Variants in HPSE2 observed in about 807,000 individuals in gnomAD.
HPSE2 encodes the protein inactive heparanase-2.
In HPSE2, 38 loss-of-function variants were observed where a neutral mutation model predicts 60.5. That is an observed-to-expected ratio of 0.63 (90% CI 0.48 to 0.82). The LOEUF is 0.82. Among genes scored for constraint, HPSE2 ranks in the 40% least tolerant of loss-of-function variants. The pLI is 0.00. For missense variants in HPSE2, 713 were observed against 740.4 expected (o/e 0.96, Z 0.43); for synonymous variants, 295 against 293.2 (o/e 1.01, Z -0.06).
intron 3 of HPSE2, among the ~76,000 whole-genome samples, chr10:98,764,736 A>G (rs1037845229): frequency 2.0e-5 from 3 of 152,108 alleles, no homozygotes; most frequent in Admixed American, 2.0e-4. Context: ...ACGTGCCTGT[A>G]ATCCTGGCTC....
intron 3 of HPSE2, among the ~76,000 whole-genome samples, chr10:98,863,478 T>C (rs947200412): frequency 6.6e-6 from 1 of 152,178 alleles, no homozygotes; most frequent in African/African-American, 2.4e-5. Flanking sequence ...ACTACCCACA[T>C]GTACATGCAC....
At chr10:99,230,078 T>C (rs2133946790) in intron 2 of HPSE2, among the ~76,000 whole-genome samples, 1 of 152,290 alleles carries the variant, frequency 6.6e-6, no homozygotes, top group South Asian at 2.1e-4. Context: ...AATACTGATA[T>C]AGTTCAGAGC....
chr10:99,309,092 G>T, the HPSE2 span, among the ~76,000 whole-genome samples: 1 of 152,080 alleles, frequency 6.6e-6, no homozygotes, highest in Non-Finnish European at 1.5e-5. Flanking sequence ...ACCACACATT[G>T]TATGACTCCA....
At chr10:99,100,949 G>A (rs1000581761) in intron 3 of HPSE2, among the ~76,000 whole-genome samples, 1 of 151,962 alleles carries the variant, frequency 6.6e-6, no homozygotes, top group African/African-American at 2.4e-5. Context: ...GGCTGATTTT[G>A]TCACCACCAG....
At chr10:98,943,009 C>G (rs1478222671) in intron 3 of HPSE2, among the ~76,000 whole-genome samples, 3 of 145,268 alleles carry the variant, frequency 2.1e-5, no homozygotes, top group African/African-American at 7.7e-5. Context: ...CATGTTCTCA[C>G]TCATAGGTGG....
chr10:98,575,368 C>G (rs771617183), intron 9 of HPSE2, among the ~76,000 whole-genome samples: 1 of 152,134 alleles, frequency 6.6e-6, no homozygotes, highest in South Asian at 2.1e-4. Context: ...AGGTGGAAGA[C>G]AGCCAAGTTG....
At chr10:98,642,064 T>G (rs1946653734) in intron 6 of HPSE2, 124 bp from the exon 7 acceptor site, 2 of 797,834 alleles carry the variant, frequency 2.5e-6, no homozygotes, top group Non-Finnish European at 4.3e-6. Flanking sequence ...GCTCTCATAT[T>G]CTAAAAGGTT....
chr10:99,206,770 TGAAAA>T (rs2133898019), intron 2 of HPSE2, among the ~76,000 whole-genome samples: 1 of 151,640 alleles, frequency 6.6e-6, no homozygotes, highest in Admixed American at 6.6e-5. Flanking sequence ...ATGAATCAAC[TGAAAA>T]ATGCAATAGA....
intron 3 of HPSE2, among the ~76,000 whole-genome samples, chr10:99,014,293 A>T (rs1265607580): frequency 1.3e-5 from 2 of 152,110 alleles, no homozygotes; most frequent in East Asian, 3.9e-4. Context: ...ACATGATCTC[A>T]TTCTTTTTAT....
chr10:99,188,343 G>A (rs1848103734), intron 2 of HPSE2, among the ~76,000 whole-genome samples: 1 of 152,134 alleles, frequency 6.6e-6, no homozygotes, highest in Non-Finnish European at 1.5e-5. Flanking sequence ...TGTTATATCA[G>A]TATGGTAGTA....
chr10:99,036,311 C>A (rs1957608611), intron 3 of HPSE2, among the ~76,000 whole-genome samples: 1 of 151,984 alleles, frequency 6.6e-6, no homozygotes, highest in Non-Finnish European at 1.5e-5. Context: ...CCAAGGAAAT[C>A]AAGATGGGGA....
chr10:98,546,807 A>G (rs1943694289), intron 9 of HPSE2, among the ~76,000 whole-genome samples: 2 of 151,148 alleles, frequency 1.3e-5, no homozygotes, highest in Admixed American at 6.6e-5. Context: ...GACAAATGGG[A>G]TCTAATTAAA....
chr10:98,727,221 T>C (rs1228865925), intron 4 of HPSE2, among the ~76,000 whole-genome samples: 1 of 152,070 alleles, frequency 6.6e-6, no homozygotes, highest in Admixed American at 6.6e-5. Flanking sequence ...AAATATGTAG[T>C]TTTCAACAAA....
At chr10:99,117,096 C>T (rs1196958451) in intron 3 of HPSE2, among the ~76,000 whole-genome samples, 1 of 151,758 alleles carries the variant, frequency 6.6e-6, no homozygotes, top group Non-Finnish European at 1.5e-5. Context: ...CCTTTTTTTG[C>T]AATATACATG....
chr10:99,235,863 A>T (rs1230267557), upstream of HPSE2: 3 of 1,454,862 alleles, frequency 2.1e-6, no homozygotes, highest in African/African-American at 2.8e-5. Context: ...AATTGTCCTT[A>T]TCTAAAGTGT....
chr10:98,799,886 G>C (rs181901471), intron 3 of HPSE2, among the ~76,000 whole-genome samples: 4 of 151,972 alleles, frequency 2.6e-5, no homozygotes, highest in Admixed American at 2.0e-4. Context: ...AGAAATGCAA[G>C]AGCAAACTGA....
the HPSE2 span, among the ~76,000 whole-genome samples, chr10:99,300,229 T>C: frequency 1.3e-5 from 2 of 152,082 alleles, no homozygotes; most frequent in Non-Finnish European, 2.9e-5. Flanking sequence ...AAAGAAAGAC[T>C]GCCACAGGCT....
the HPSE2 span, among the ~76,000 whole-genome samples, chr10:99,284,538 T>C: frequency 6.6e-6 from 1 of 152,156 alleles, no homozygotes; most frequent in African/African-American, 2.4e-5. Flanking sequence ...TTTCTTAATC[T>C]TAGAAGAAAA....
chr10:99,180,413 A>C (rs918216651), intron 2 of HPSE2, among the ~76,000 whole-genome samples: 1 of 152,218 alleles, frequency 6.6e-6, no homozygotes, highest in East Asian at 1.9e-4. Context: ...ATTTACAAGA[A>C]AAAAACAACC....
Sources: gnomAD v4.1 joint callset for allele counts (sites outside exome capture counted in the v4.1 genomes callset) on GRCh38, gnomAD v4.1.1 for gene constraint, MANE v1.5 for transcripts, NCBI Gene and HGNC (gene_info 2026-07-23, HGNC 2026-07-21) for gene names.